Variants in ZCCHC7 observed in about 807,000 individuals in gnomAD.
ZCCHC7 encodes the protein zinc finger CCHC domain-containing protein 7.
A neutral mutation model predicts 52.0 loss-of-function variants in ZCCHC7; 35 were observed. The ratio of observed to expected loss-of-function variants is 0.67; its 90% confidence interval spans 0.51 to 0.89. The LOEUF is 0.89. ZCCHC7 is among the 40% of genes least tolerant of loss of function. ZCCHC7 has a pLI of 0.00. For synonymous variants in ZCCHC7, 217 were observed against 221.5 expected, an observed-to-expected ratio of 0.98 and a Z score of 0.18; for missense variants, 574 against 649.1, an observed-to-expected ratio of 0.88 and a Z score of 1.26.
At chr9:37,258,849 C>T (rs1318901837) in intron 2 of ZCCHC7, among the ~76,000 whole-genome samples, 1 of 139,354 alleles carries the variant, frequency 7.2e-6, no homozygotes, top group Non-Finnish European at 1.5e-5. Flanking sequence ...GAGAGAAAAG[C>T]AAAAAATAGA....
In ZCCHC7 at chr9:37,357,460, G is replaced by A. The variant is rs2118736360; in HGVS notation, c.*192G>A. The A allele has an allele frequency of 2.3e-6, 1 of 432,688 alleles. No individual in the cohort carries two copies. The highest frequency in any genetic ancestry group is 3.6e-5 in the East Asian group (1 of 28,020). 26.8% of individuals were successfully genotyped at this position (432,688 alleles called of 1,614,324 possible). ...TTCTCTGTGTCCAACAGGATATTAG[G>A]TAAGAAAGTACAAAGATAAACCTGG... On this transcript the variant is annotated 3_prime_UTR_variant, in exon 9 of 9. Coordinates refer to ENST00000336755, the MANE Select transcript of ZCCHC7 (RefSeq NM_032226.3).
intron 2 of ZCCHC7, among the ~76,000 whole-genome samples, chr9:37,293,471 G>C (rs896323540): frequency 6.6e-6 from 1 of 152,086 alleles, no homozygotes; most frequent in African/African-American, 2.4e-5. Context: ...CTTTTTAAAA[G>C]TAGCTTCTTG....
chr9:37,315,949 A>G (rs1389895771), intron 5 of ZCCHC7, among the ~76,000 whole-genome samples: 1 of 150,900 alleles, frequency 6.6e-6, no homozygotes, highest in African/African-American at 2.4e-5. Flanking sequence ...ATGGACTTAA[A>G]AAAGTAAAAG....
Position 37,354,914 on chromosome 9 carries a change from G to A in ZCCHC7, c.1198+90G>A. 1.3e-6 allele frequency: 1 copy of A among 768,882 alleles called. No individual in the cohort carries two copies. The highest frequency in any genetic ancestry group is 2.1e-6 in the Non-Finnish European group (1 of 484,754). The allele number at this position is 768,882 out of a possible 1,614,324, so 47.6% of individuals were successfully genotyped here. A position where few individuals can be genotyped will look rare whatever the true frequency, so the allele number is the denominator to read the frequency against. On this transcript the variant is annotated intron_variant, in intron 8 of 8. Transcript: ENST00000336755. The surrounding 1 kb of genome is among the most constrained non-coding windows in gnomAD (Gnocchi z 4.0). ...GTCTTTGCCTGCTTTGGGGGTCATT[G>A]GTTAGCATAGAAAGTATTTTTAGTA...
chr9:37,296,416 CT>C (rs1218807806), intron 2 of ZCCHC7, among the ~76,000 whole-genome samples: 1 of 151,986 alleles, frequency 6.6e-6, no homozygotes, highest in Non-Finnish European at 1.5e-5. Flanking sequence ...TCTACTTTTC[CT>C]TTTTTCTTTT....
intron 2 of ZCCHC7, among the ~76,000 whole-genome samples, chr9:37,300,360 T>C (rs1828973395): frequency 1.3e-5 from 2 of 152,240 alleles, no homozygotes; most frequent in South Asian, 4.1e-4. Flanking sequence ...CTTTGAAAGT[T>C]GTAGCAAAGC....
intron 2 of ZCCHC7, among the ~76,000 whole-genome samples, chr9:37,251,791 A>T (rs1227135868): frequency 6.6e-6 from 1 of 152,194 alleles, no homozygotes; most frequent in Non-Finnish European, 1.5e-5. Flanking sequence ...CAGTTGAGAA[A>T]GGTTGCCAGG....
At chr9:37,274,786 T>A (rs1191518143) in intron 2 of ZCCHC7, among the ~76,000 whole-genome samples, 3 of 152,234 alleles carry the variant, frequency 2.0e-5, no homozygotes, top group Non-Finnish European at 4.4e-5. Context: ...TCTCATATGA[T>A]TGTTAAAATC....
intron 2 of ZCCHC7, among the ~76,000 whole-genome samples, chr9:37,200,632 G>A (rs1823582991): frequency 6.6e-6 from 1 of 152,236 alleles, no homozygotes; most frequent in South Asian, 2.1e-4. Context: ...AAGCCTTGGT[G>A]GTGAGGGTAG....
At chr9:37,142,631 A>T (rs1843276926) in intron 2 of ZCCHC7, among the ~76,000 whole-genome samples, 1 of 151,788 alleles carries the variant, frequency 6.6e-6, no homozygotes, top group African/African-American at 2.4e-5. Context: ...CTGATAGTCT[A>T]ATTAGCTGTT....
intron 6 of ZCCHC7, 92 bp downstream of exon 6, chr9:37,327,926 T>G: frequency 7.5e-7 from 1 of 1,339,834 alleles, no homozygotes. Flanking sequence ...AAGCATCTTC[T>G]GCTGGAAGAT....
intron 1 of ZCCHC7, 139 bp from the exon 2 acceptor site, chr9:37,126,173 A>G (rs1009124302): frequency 2.3e-6 from 2 of 871,892 alleles, no homozygotes; most frequent in Non-Finnish European, 3.4e-6. Context: ...AAATCCTTGG[A>G]AAAAAAGGTA....
chr9:37,355,802 G>A (rs868458192), intron 8 of ZCCHC7, among the ~76,000 whole-genome samples: 7 of 152,162 alleles, frequency 4.6e-5, no homozygotes, highest in Non-Finnish European at 8.8e-5. Context: ...GTGGACCCAC[G>A]TAGTTCAAAC....
At chr9:37,336,528 G>C (rs78395201) in intron 6 of ZCCHC7, among the ~76,000 whole-genome samples, 7,854 of 152,158 alleles carry the variant, frequency 0.052, 656 homozygotes, top group African/African-American at 0.18. Context: ...TGTAAGTCAT[G>C]TGGAGTTATG....
At chr9:37,288,443 T>C (rs1266170479) in intron 2 of ZCCHC7, among the ~76,000 whole-genome samples, 2 of 151,828 alleles carry the variant, frequency 1.3e-5, no homozygotes, top group Non-Finnish European at 2.9e-5. Context: ...TACCAAGTCA[T>C]GTCTTGCCAT....
intron 2 of ZCCHC7, among the ~76,000 whole-genome samples, chr9:37,165,060 A>G (rs1821344913): frequency 6.6e-6 from 1 of 152,250 alleles, no homozygotes; most frequent in African/African-American, 2.4e-5. Context: ...ACTTTAGTTT[A>G]TAAATCTTCT....
chr9:37,167,534 A>G (rs1821491946), intron 2 of ZCCHC7, among the ~76,000 whole-genome samples: 1 of 152,148 alleles, frequency 6.6e-6, no homozygotes, highest in Non-Finnish European at 1.5e-5. Flanking sequence ...CTGGGTTAGT[A>G]TTAATTGATT....
chr9:37,332,188 T>G (rs1830475277), intron 6 of ZCCHC7, among the ~76,000 whole-genome samples: 1 of 151,618 alleles, frequency 6.6e-6, no homozygotes, highest in South Asian at 2.1e-4. Context: ...AGTTTTCATT[T>G]AAAATGCCCT....
At chr9:37,355,341 A>G (rs151001829) in intron 8 of ZCCHC7, among the ~76,000 whole-genome samples, 2 of 152,302 alleles carry the variant, frequency 1.3e-5, no homozygotes, top group African/African-American at 4.8e-5. Flanking sequence ...ATATCTTATC[A>G]TTTAAGTTTT....
Sources: allele counts gnomAD v4.1 joint callset (sites outside exome capture counted in the v4.1 genomes callset), GRCh38; gene constraint gnomAD v4.1.1; non-coding constraint Gnocchi (gnomAD v3.1); transcripts MANE v1.5; gene names NCBI Gene and HGNC (gene_info 2026-07-23, HGNC 2026-07-21).